GLP1R: variants seen among roughly 807,000 people sequenced by gnomAD.
GLP1R encodes glucagon like peptide 1 receptor, also known as glucagon-like peptide 1 receptor.
A neutral mutation model predicts 68.4 loss-of-function variants in GLP1R; 32 were observed. That is an observed-to-expected ratio of 0.47 (90% CI 0.35 to 0.63). GLP1R has a LOEUF of 0.63. Ranked by LOEUF, GLP1R falls within the 20% of genes least tolerant of loss-of-function variation. The pLI is 0.00. For synonymous variants in GLP1R, 263 were observed against 244.4 expected, an observed-to-expected ratio of 1.08 and a Z score of -0.71; for missense variants, 502 against 594.9, an observed-to-expected ratio of 0.84 and a Z score of 1.62.
chr6:39,087,016 A>G lies in GLP1R; in HGVS notation c.*943A>G, dbSNP rs1583657228. The G allele has an allele frequency of 1.3e-5, 2 of 152,322 alleles. No homozygotes were observed. Among genetic ancestry groups the G allele is most frequent in the South Asian group, 4.1e-4 (2 of 4,820 alleles). 9.4% of individuals were successfully genotyped at this position (152,322 alleles called of 1,614,324 possible). The stretch of plus-strand genomic sequence containing the variant: ...CCTTGGAAATACTTTATCTGTGACC[A>G]CACGCTGTCTCTTGAGAATTTGGAT... On this transcript the variant is annotated 3_prime_UTR_variant, in exon 13 of 13. Coordinates refer to ENST00000373256, the MANE Select transcript of GLP1R (RefSeq NM_002062.5).
chr6:39,089,847 G>A lies in GLP1R; in HGVS notation c.*3774G>A, dbSNP rs1287868190. Among the ~76,000 whole-genome samples the A allele has an allele frequency of 1.3e-5, 2 of 152,126 alleles. No individual in the cohort carries two copies. Among genetic ancestry groups the A allele is most frequent in the African/African-American group, 4.8e-5 (2 of 41,422 alleles). On this transcript the variant is annotated 3_prime_UTR_variant, in exon 13 of 13. Coordinates refer to ENST00000373256, the MANE Select transcript of GLP1R (RefSeq NM_002062.5). The surrounding 1 kb of genome is among the most constrained non-coding windows in gnomAD (Gnocchi z 4.1). ...CAGGGAAGGCAAAATCTATTCCAAA[G>A]GTTTATTTTCCCTCTGTTGAATTGA... is the stretch of plus-strand genomic sequence containing the variant.
chr6:39,074,152 G>C lies in GLP1R; in HGVS notation c.823+383G>C, dbSNP rs556170600. Among the ~76,000 whole-genome samples the C allele has an allele frequency of 5.3e-5, 8 of 152,244 alleles. No homozygotes were observed. In the South Asian group the frequency reaches 1.5e-3, roughly 28 times the overall value. On this transcript the variant is annotated intron_variant, in intron 7 of 12. Coordinates refer to ENST00000373256, the MANE Select transcript of GLP1R (RefSeq NM_002062.5). ...GGTGAGTCCTGGGCCTCAAGGTGGG[G>C]AGGGGATCAAGAGGGTAGGGGGCTG...
intron 5 of GLP1R, among the ~76,000 whole-genome samples, chr6:39,072,654 A>C (rs1562012852): frequency 6.6e-6 from 1 of 152,230 alleles, no homozygotes; most frequent in Non-Finnish European, 1.5e-5. Flanking sequence ...CAGTGACTAC[A>C]TAGCGGAAGC....
chr6:39,052,021 C>G (rs1386558255), intron 1 of GLP1R, among the ~76,000 whole-genome samples: 1 of 151,490 alleles, frequency 6.6e-6, no homozygotes. Flanking sequence ...GACAGTGTCT[C>G]AGCATGCGAC....
At chr6:39,056,825 T>C (rs1768225259) in intron 2 of GLP1R, among the ~76,000 whole-genome samples, 1 of 152,220 alleles carries the variant, frequency 6.6e-6, no homozygotes, top group Non-Finnish European at 1.5e-5. Context: ...CTTATCTGTG[T>C]GTCCTTCCCT....
intron 12 of GLP1R, among the ~76,000 whole-genome samples, chr6:39,082,937 C>G (rs2268638): frequency 6.6e-6 from 1 of 151,982 alleles, no homozygotes; most frequent in African/African-American, 2.4e-5. Context: ...GCTTCCCCCC[C>G]GCCATTGTGA....
Position 39,065,758 on chromosome 6 carries a change from C to T in GLP1R, c.331C>T (p.Leu111=), listed in dbSNP as rs201616889. ...YRFCTAEGLW[L]QKDNSSLPWR... ...GTTCTGCACAGCTGAAGGCCTCTGG[C>T]TGCAGAAGGACAACTCCAGCCTGCC... The change falls in exon 4 of 13, where the codon CTG becomes TTG. Residue 111 remains leucine (L), a synonymous_variant. Transcript: ENST00000373256. The T allele has an allele frequency of 1.0e-5, 16 of 1,585,306 alleles. No homozygotes were observed. Among genetic ancestry groups the T allele is most frequent in the African/African-American group, 1.3e-5 (1 of 74,536 alleles).
rs1769264499 is a variant in GLP1R, at chr6:39,090,885, C to T, written c.*4812C>T. Among the ~76,000 whole-genome samples, 1 of 152,158 alleles carries T rather than the reference C, an allele frequency of 6.6e-6. No individual in the cohort carries two copies. Among genetic ancestry groups the T allele is most frequent in the African/African-American group, 2.4e-5 (1 of 41,426 alleles). ...ATTGAGGGAAGGGCAAAATTCACCC[C>T]AGACAGCCAGTGCTTGATCTTGCCA... On this transcript the variant is annotated 3_prime_UTR_variant, in exon 13 of 13. Coordinates refer to ENST00000373256, the MANE Select transcript of GLP1R (RefSeq NM_002062.5).
rs1435547430 is a variant in GLP1R, at chr6:39,088,995, C to G, written c.*2922C>G. Among the ~76,000 whole-genome samples, 2 of 152,156 alleles carry G rather than the reference C, an allele frequency of 1.3e-5. No homozygotes were observed. Among genetic ancestry groups the G allele is most frequent in the Non-Finnish European group, 2.9e-5 (2 of 68,042 alleles). Reference sequence around the variant, plus strand: ...AAGGATAGGTGAAAACTATAAATAGCTGTTCAAGATACTCTGAGTAAAAGT... The same window carrying G: ...AAGGATAGGTGAAAACTATAAATAGGTGTTCAAGATACTCTGAGTAAAAGT... On this transcript the variant is annotated 3_prime_UTR_variant, in exon 13 of 13. Coordinates refer to ENST00000373256, the MANE Select transcript of GLP1R (RefSeq NM_002062.5).
At chr6:39,074,598 A>G (rs1454984089) in intron 7 of GLP1R, among the ~76,000 whole-genome samples, 1 of 150,262 alleles carries the variant, frequency 6.7e-6, no homozygotes, top group Non-Finnish European at 1.5e-5. Flanking sequence ...CCTGCTTGCC[A>G]CTCCTTCATT....
intron 5 of GLP1R, among the ~76,000 whole-genome samples, chr6:39,071,345 C>CAAAAAAAAAAA (rs35740935): frequency 1.7e-4 from 15 of 85,870 alleles, no homozygotes; most frequent in Non-Finnish European, 2.6e-4. Flanking sequence ...GATTCCATCT[C>CAAAAAAAAAAA]AAAAAAAAAA....
chr6:39,088,609 A>C lies in GLP1R; in HGVS notation c.*2536A>C, dbSNP rs542318548. The stretch of plus-strand genomic sequence containing the variant: ...TCAGCACTCTGGCCAGCTTCCTCAA[A>C]CTTGTTAGTGGCTTGCATTTTGTCA... On this transcript the variant is annotated 3_prime_UTR_variant, in exon 13 of 13. Coordinates refer to ENST00000373256, the MANE Select transcript of GLP1R (RefSeq NM_002062.5). 3.5e-4 allele frequency among the ~76,000 whole-genome samples: 54 copies of C among 152,210 alleles called. No homozygotes were observed. The highest frequency in any genetic ancestry group is 1.3e-3 in the African/African-American group (54 of 41,526).
intron 1 of GLP1R, among the ~76,000 whole-genome samples, chr6:39,053,127 A>G (rs1768125109): frequency 6.6e-6 from 1 of 152,156 alleles, no homozygotes; most frequent in Admixed American, 6.5e-5. Context: ...ATGGCCCTTT[A>G]GACCCCCTCT....
intron 12 of GLP1R, 30 bp from the exon 13 acceptor site, chr6:39,085,876 G>A: frequency 6.2e-7 from 1 of 1,611,676 alleles, no homozygotes; most frequent in Non-Finnish European, 8.5e-7. Context: ...TTGCATGATG[G>A]CTTTCGTTTC....
intron 8 of GLP1R, 140 bp downstream of exon 8, chr6:39,078,522 T>C: frequency 1.4e-6 from 1 of 700,830 alleles, no homozygotes; most frequent in South Asian, 1.6e-5. Context: ...TTTAGTTCTC[T>C]AATCTCCCCT....
chr6:39,059,842 C>A (rs1237368456), intron 3 of GLP1R, among the ~76,000 whole-genome samples: 1 of 152,168 alleles, frequency 6.6e-6, no homozygotes, highest in African/African-American at 2.4e-5. Context: ...GCTCTGCCTG[C>A]CGCTTGCAGC....
At chr6:39,084,427 C>T (rs906672985) in intron 12 of GLP1R, among the ~76,000 whole-genome samples, 1 of 152,108 alleles carries the variant, frequency 6.6e-6, no homozygotes, top group Non-Finnish European at 1.5e-5. Context: ...CATAGGTGTC[C>T]CTGAAACCTC....
rs1020884909 is a variant in GLP1R at position 39,088,293 on chromosome 6, C to T, written c.*2220C>T. ...TTTTCTTTGCTCCAACCCCCGCTCC[C>T]CCGGCCCCCCGAAGCTATTAATAGT... On this transcript the variant is annotated 3_prime_UTR_variant, in exon 13 of 13. Coordinates refer to ENST00000373256, the MANE Select transcript of GLP1R (RefSeq NM_002062.5). 1.3e-5 allele frequency among the ~76,000 whole-genome samples: 2 copies of T among 151,892 alleles called. No individual in the cohort carries two copies. Among genetic ancestry groups the T allele is most frequent in the African/African-American group, 4.8e-5 (2 of 41,334 alleles).
At chr6:39,075,926 G>T (rs955401983) in intron 7 of GLP1R, among the ~76,000 whole-genome samples, 2 of 152,228 alleles carry the variant, frequency 1.3e-5, no homozygotes, top group Non-Finnish European at 2.9e-5. Flanking sequence ...CCAGTTGTGT[G>T]TGTCTTAATT....
Sources: allele counts gnomAD v4.1 joint callset (sites outside exome capture counted in the v4.1 genomes callset), GRCh38; gene constraint gnomAD v4.1.1; non-coding constraint Gnocchi (gnomAD v3.1); transcripts MANE v1.5; gene names NCBI Gene and HGNC (gene_info 2026-07-23, HGNC 2026-07-21).